USP25: variants seen among roughly 807,000 people sequenced by gnomAD.
USP25 encodes the protein ubiquitin carboxyl-terminal hydrolase 25.
USP25 carries 85 observed loss-of-function variants against 158.5 expected under a neutral mutation model. The ratio of observed to expected loss-of-function variants is 0.54; its 90% confidence interval spans 0.45 to 0.64. The LOEUF (loss-of-function observed/expected upper bound fraction) is 0.64, where lower values mean the gene tolerates loss of function less well. Ranked by LOEUF, USP25 falls within the 30% of genes least tolerant of loss-of-function variation. The pLI, the probability that USP25 is intolerant of heterozygous loss-of-function variation, is 0.00. For synonymous variants in USP25, 464 were observed against 460.4 expected (o/e 1.01, Z -0.10); for missense variants, 1,242 against 1,327.3 (o/e 0.94, Z 1.00).
chr21:15,800,440 G>A (rs923288737), intron 6 of USP25, among the ~76,000 whole-genome samples: 11 of 150,838 alleles, frequency 7.3e-5, no homozygotes, highest in East Asian at 5.8e-4. Context: ...GTTGCTGTGA[G>A]CATTAAATGA....
rs371638045 is a variant in USP25, at chr21:15,839,196, G to A, written c.2195-3202G>A. Among the ~76,000 whole-genome samples the A allele has an allele frequency of 6.6e-5, 10 of 152,168 alleles. No homozygotes were observed. In the East Asian group the frequency reaches 1.7e-3, roughly 26 times the overall value. On this transcript the variant is annotated intron_variant, in intron 17 of 25. Transcript: ENST00000400183. ...CTCCCAGGGTTTCAAACCATTGTGG[G>A]TTTACCTACCGTGACTACAACACCA...
chr21:15,870,119 A>G lies in USP25; in HGVS notation c.2857A>G (p.Ile953Val). ...KFRETTMYLI[I>V]GLENFQRESY... is the part of the protein sequence containing the mutation. Reference sequence around the variant, plus strand: ...CAGGGAAACAACTATGTATCTCATAATTGGGCTAGAAAATTTTCAAAGAGA... The same window carrying G: ...CAGGGAAACAACTATGTATCTCATAGTTGGGCTAGAAAATTTTCAAAGAGA... The change falls in exon 23 of 26, where the codon ATT becomes GTT. Residue 953 changes from isoleucine to valine, a missense_variant. Physicochemically the swap from Ile to Val is conservative, Grantham distance 29. This residue lies in a region of USP25 where 608 missense variants were observed against 605.2 expected (regional missense o/e 1.00). Coordinates refer to ENST00000400183, the MANE Select transcript of USP25 (RefSeq NM_001283041.3). 6.2e-7 allele frequency: 1 copy of G among 1,609,870 alleles called. No individual in the cohort carries two copies. Among genetic ancestry groups the G allele is most frequent in the Non-Finnish European group, 8.5e-7 (1 of 1,178,118 alleles).
chr21:15,764,773 G>C (rs995251759), intron 2 of USP25, among the ~76,000 whole-genome samples: 2 of 152,078 alleles, frequency 1.3e-5, no homozygotes, highest in Non-Finnish European at 2.9e-5. Flanking sequence ...TTTTGGATGA[G>C]TCACTTAGGA....
chr21:15,730,488 T>A, intron 1 of USP25, 50 bp downstream of exon 1: 1 of 1,308,582 alleles, frequency 7.6e-7, no homozygotes, highest in Non-Finnish European at 9.8e-7. Context: ...TCCGACGGGC[T>A]GTCCTCTCCC....
At chr21:15,839,556 T>C (rs768337094) in intron 17 of USP25, among the ~76,000 whole-genome samples, 15 of 152,186 alleles carry the variant, frequency 9.9e-5, no homozygotes, top group Non-Finnish European at 2.2e-4. Flanking sequence ...CTGGAAATAA[T>C]GTATCAGAAA....
chr21:15,730,374 C>G lies in USP25; in HGVS notation c.-20C>G, dbSNP rs1601212379. The G allele has an allele frequency of 4.9e-6, 6 of 1,229,752 alleles. No individual in the cohort carries two copies. In the East Asian group the frequency reaches 2.1e-4, roughly 43 times the overall value. The allele number at this position is 1,229,752 out of a possible 1,614,324, so 76.2% of individuals were successfully genotyped here. A position where few individuals can be genotyped will look rare whatever the true frequency, so the allele number is the denominator to read the frequency against. Reference sequence around the variant, plus strand: ...GAGCCGGGCGCCACCGCCGCCGCCGCCGCCGCCGCCGCGGGGGCCATGACC... The same window carrying G: ...GAGCCGGGCGCCACCGCCGCCGCCGGCGCCGCCGCCGCGGGGGCCATGACC... On this transcript the variant is annotated 5_prime_UTR_variant, in exon 1 of 26. Coordinates refer to ENST00000400183, the MANE Select transcript of USP25 (RefSeq NM_001283041.3).
intron 2 of USP25, among the ~76,000 whole-genome samples, chr21:15,765,659 C>T (rs1035035820): frequency 9.9e-5 from 15 of 151,968 alleles, no homozygotes; most frequent in Non-Finnish European, 1.6e-4. Flanking sequence ...TGCACTCTTT[C>T]GTATGGCAAG....
intron 5 of USP25, among the ~76,000 whole-genome samples, chr21:15,793,456 T>C (rs1237086595): frequency 6.6e-6 from 1 of 151,056 alleles, no homozygotes; most frequent in Non-Finnish European, 1.5e-5. Flanking sequence ...AGCTTAGATT[T>C]TTTTTTTTAA....
In USP25 at chr21:15,778,067, TA is replaced by T. The variant is rs201453307; in HGVS notation, c.392+45del. ...TGTATAAAGCAGATATAAGTACTTTTAAAAATAGAAATCATTAATTGGGTTA... is the reference window on the plus strand; with the variant it reads ...TGTATAAAGCAGATATAAGTACTTTTAAAATAGAAATCATTAATTGGGTTA... On this transcript the variant is annotated intron_variant, in intron 4 of 25. Coordinates refer to ENST00000400183, the MANE Select transcript of USP25 (RefSeq NM_001283041.3). The T allele has an allele frequency of 1.6e-3, 2,370 of 1,485,948 alleles. 59 individuals carry two copies. The East Asian group carries it at 0.05, about 31-fold the overall frequency. The allele number at this position is 1,485,948 out of a possible 1,614,324, so 92.0% of individuals were successfully genotyped here.
At position 15,879,805 on chromosome 21, in the gene USP25, T is replaced by C. The variant is rs1418581522; in HGVS notation, c.*1330T>C. The C allele has an allele frequency of 6.6e-6, 1 of 152,604 alleles. No individual in the cohort carries two copies. Among genetic ancestry groups the C allele is most frequent in the African/African-American group, 2.4e-5 (1 of 41,466 alleles). 9.5% of individuals were successfully genotyped at this position (152,604 alleles called of 1,614,324 possible). A position where few individuals can be genotyped will look rare whatever the true frequency, so the allele number is the denominator to read the frequency against. On this transcript the variant is annotated 3_prime_UTR_variant, in exon 26 of 26. Transcript: ENST00000400183. Reference sequence around the variant, plus strand: ...GATGGAGGAGTAAGATGAAATATTATGCTATTATATGATGCTGTTTGTAAA... The same window carrying C: ...GATGGAGGAGTAAGATGAAATATTACGCTATTATATGATGCTGTTTGTAAA...
chr21:15,786,368 A>T (rs1692454319), intron 4 of USP25, among the ~76,000 whole-genome samples: 1 of 152,170 alleles, frequency 6.6e-6, no homozygotes, highest in Admixed American at 6.5e-5. Context: ...ATCAACCTAG[A>T]TGCAGAAATT....
At chr21:15,857,487 A>C (rs182687355) in intron 20 of USP25, among the ~76,000 whole-genome samples, 72 of 152,238 alleles carry the variant, frequency 4.7e-4, no homozygotes, top group African/African-American at 1.6e-3. Flanking sequence ...TCATATTTCA[A>C]AATGTATTTC....
Position 15,878,405 on chromosome 21 carries a change from C to G in USP25, c.3308C>G (p.Thr1103Arg), listed in dbSNP as rs201814897. The part of the protein sequence containing the change: ...HEPPKLPSYS[T>R]HELCERFARI... ...CCACCGAAGTTACCTTCATATTCCACGCATGAACTCTGTGAGCGATTTGCC... is the reference window on the plus strand; with the variant it reads ...CCACCGAAGTTACCTTCATATTCCAGGCATGAACTCTGTGAGCGATTTGCC... The change falls in exon 26 of 26, where the codon ACG becomes AGG. Residue 1103 changes from threonine to arginine, a missense_variant. Physicochemically the swap from Thr to Arg is moderately conservative, Grantham distance 71 (BLOSUM62 -1). This residue lies in a region of USP25 where 608 missense variants were observed against 605.2 expected (regional missense o/e 1.00). Coordinates refer to ENST00000400183, the MANE Select transcript of USP25 (RefSeq NM_001283041.3). The G allele has an allele frequency of 1.9e-6, 3 of 1,614,032 alleles. No individual in the cohort carries two copies. In the African/African-American group the frequency reaches 4.0e-5, roughly 22 times the overall value.
chr21:15,736,562 C>T (rs1378666899), intron 1 of USP25, among the ~76,000 whole-genome samples: 2 of 151,840 alleles, frequency 1.3e-5, no homozygotes, highest in East Asian at 3.9e-4. Flanking sequence ...CCACCCCCAC[C>T]CTTGTCTTTA....
intron 3 of USP25, among the ~76,000 whole-genome samples, chr21:15,771,971 T>C (rs1335520173): frequency 1.3e-5 from 2 of 151,196 alleles, no homozygotes; most frequent in African/African-American, 4.9e-5. Flanking sequence ...GGAAGAACTC[T>C]TTTTTTCTTC....
chr21:15,824,020 T>C lies in USP25; in HGVS notation c.1081-19T>C, dbSNP rs756360946. ...AAAGGTGGTATTAAAGTTTTTGTTATTGTTTTATTTCCTTTCAGCATTGGT... is the reference window on the plus strand; with the variant it reads ...AAAGGTGGTATTAAAGTTTTTGTTACTGTTTTATTTCCTTTCAGCATTGGT... On this transcript the variant is annotated intron_variant, in intron 10 of 25. Coordinates refer to ENST00000400183, the MANE Select transcript of USP25 (RefSeq NM_001283041.3). 3.0e-5 allele frequency: 48 copies of C among 1,605,062 alleles called. No homozygotes were observed. Among genetic ancestry groups the C allele is most frequent in the South Asian group, 2.9e-4 (26 of 89,906 alleles).
chr21:15,821,149 G>C (rs2037214783), intron 10 of USP25, among the ~76,000 whole-genome samples: 1 of 151,888 alleles, frequency 6.6e-6, no homozygotes, highest in Non-Finnish European at 1.5e-5. Flanking sequence ...AGTGTGTGCT[G>C]TGTGTTCTTT....
intron 5 of USP25, among the ~76,000 whole-genome samples, chr21:15,795,489 C>T (rs1457911075): frequency 2.0e-5 from 3 of 151,598 alleles, no homozygotes; most frequent in Non-Finnish European, 3.0e-5. Context: ...GTCCCATAGA[C>T]CATTTCTCTG....
At chr21:15,811,308 A>G in intron 9 of USP25, 98 bp downstream of exon 9, 1 of 1,066,320 alleles carries the variant, frequency 9.4e-7, no homozygotes, top group Non-Finnish European at 1.4e-6. Context: ...CTTTATTTTT[A>G]ATTTGATATA....
Sources: allele counts gnomAD v4.1 joint callset (sites outside exome capture counted in the v4.1 genomes callset), GRCh38; gene constraint gnomAD v4.1.1; regional missense constraint gnomAD v4.1.1; transcripts MANE v1.5; gene names NCBI Gene and HGNC (gene_info 2026-07-23, HGNC 2026-07-21).